The following USP8 variants were observed in gnomAD, a reference collection of about 807,000 sequenced individuals.
USP8 encodes ubiquitin carboxyl-terminal hydrolase 8.
Under a neutral mutation model 130.0 loss-of-function variants are expected in USP8, and 27 were observed. The observed-to-expected ratio is 0.21, with a 90% CI of 0.15 to 0.29. USP8 has a LOEUF of 0.29. Among genes scored for constraint, USP8 ranks in the 10% least tolerant of loss-of-function variants. The pLI is 1.00. For synonymous variants in USP8, 392 were observed against 444.1 expected, an observed-to-expected ratio of 0.88 and a Z score of 1.48; for missense variants, 1,029 against 1,312.2, an observed-to-expected ratio of 0.78 and a Z score of 3.33.
In USP8 at chr15:50,476,837, C is replaced by T. The variant is rs1566873179; in HGVS notation, c.850-12C>T. ...TGCTGCCCTATTTAAAATATGATTT[C>T]CTTATTTATAGTGGGAAAGTAAAAC... On this transcript the variant is annotated splice_polypyrimidine_tract_variant and intron_variant, in intron 8 of 19. Coordinates refer to ENST00000307179, the MANE Select transcript of USP8 (RefSeq NM_005154.5). 1 of 1,535,740 alleles carries T rather than the reference C, an allele frequency of 6.5e-7. No individual in the cohort carries two copies. The highest frequency in any genetic ancestry group is 2.4e-5 in the East Asian group (1 of 41,276).
At chr15:50,496,116 A>G (rs764102190) in intron 17 of USP8, 32 bp downstream of exon 17, 1 of 1,520,316 alleles carries the variant, frequency 6.6e-7, no homozygotes, top group Non-Finnish European at 9.0e-7. Flanking sequence ...AAAATGATTT[A>G]TTGGATAAAA....
chr15:50,489,642 TCATCTCTGAATC>T, intron 12 of USP8, 147 bp from the exon 13 acceptor site: 1 of 380,152 alleles, frequency 2.6e-6, no homozygotes, highest in Non-Finnish European at 4.7e-6. Context: ...ATAATTTTTT[TCATCTCTGAATC>T]TGTTTTTTAA....
rs772886962 is a variant in USP8, at chr15:50,471,598, A to C, written c.687-35A>C. 1.9e-6 allele frequency: 3 copies of C among 1,599,432 alleles called. No individual in the cohort carries two copies. The Admixed American group carries it at 5.3e-5, about 28-fold the overall frequency. On this transcript the variant is annotated intron_variant, in intron 7 of 19. Transcript: ENST00000307179. ...GTTAGTATATTAGGACCTCTTGTTG[A>C]CTTTTGCCCCAATTTAAATATTAAT... is the stretch of plus-strand genomic sequence containing the variant.
At chr15:50,486,587 C>T (rs911842761) in intron 12 of USP8, among the ~76,000 whole-genome samples, 1 of 152,184 alleles carries the variant, frequency 6.6e-6, no homozygotes, top group African/African-American at 2.4e-5. Flanking sequence ...TAAAGAGCCA[C>T]AGCAACAACA....
At position 50,441,354 on chromosome 15, in the gene USP8, T is replaced by C. The variant is rs2050254582; in HGVS notation, c.110T>C (p.Val37Ala). The part of the protein sequence containing the change: ...KPEKISTKSY[V>A]HSALKIFKTA... The stretch of plus-strand genomic sequence containing the variant: ...ATTTTTTCTCTAATTTTAAGTTATG[T>C]GCACAGTGCCCTGAAGATCTTTAAG... Residue 37 changes from valine to alanine, a missense_variant, in exon 3 of 20, where the codon GTG becomes GCG. Coordinates refer to ENST00000307179, the MANE Select transcript of USP8 (RefSeq NM_005154.5). 1.3e-6 allele frequency: 2 copies of C among 1,586,460 alleles called. No individual in the cohort carries two copies. Among genetic ancestry groups the C allele is most frequent in the Non-Finnish European group, 1.7e-6 (2 of 1,173,662 alleles).
intron 1 of USP8, among the ~76,000 whole-genome samples, chr15:50,431,031 T>C (rs986146014): frequency 2.0e-5 from 3 of 152,190 alleles, no homozygotes; most frequent in Non-Finnish European, 2.9e-5. Flanking sequence ...CAAATGTTTA[T>C]CTGGTCCAAA....
intron 4 of USP8, among the ~76,000 whole-genome samples, chr15:50,450,665 T>C (rs964567220): frequency 2.6e-5 from 4 of 152,032 alleles, no homozygotes; most frequent in Non-Finnish European, 4.4e-5. Flanking sequence ...GAGACGGGGT[T>C]TCTCCATGTT....
At chr15:50,480,739 G>A (rs1404678325) in intron 10 of USP8, among the ~76,000 whole-genome samples, 1 of 152,014 alleles carries the variant, frequency 6.6e-6, no homozygotes, top group Non-Finnish European at 1.5e-5. Flanking sequence ...AAGATTTTAG[G>A]TGTACTGAGA....
rs575571465 is a variant in USP8, at chr15:50,493,564, G to C, written c.2448-506G>C. The C allele has an allele frequency of 8.1e-5, 40 of 494,958 alleles. No homozygotes were observed. The East Asian group carries it at 2.1e-3, about 26-fold the overall frequency. The allele number at this position is 494,958 out of a possible 1,614,324, so 30.7% of individuals were successfully genotyped here. On this transcript the variant is annotated intron_variant, in intron 15 of 19. Transcript: ENST00000307179. ...GGCCCAGGAGTTTGAGACCAGTCTG[G>C]GCAACAAGGCAAAACTCCGTCTCTA...
Position 50,453,421 on chromosome 15 carries a change from GTTGT to G in USP8, c.335+3939_335+3942del, listed in dbSNP as rs531320310. On this transcript the variant is annotated intron_variant, in intron 4 of 19. Transcript: ENST00000307179. ...TGACCCATGGGTCATTTAGAAATGT[GTTGT>G]TTAATTTCCACATATGTGGGATTCT... Among the ~76,000 whole-genome samples, 9 of 152,212 alleles carry G rather than the reference GTTGT, an allele frequency of 5.9e-5. No homozygotes were observed. In the South Asian group the frequency reaches 1.9e-3, roughly 32 times the overall value.
chr15:50,503,387 G>T lies in USP8; in HGVS notation c.*4299G>T, dbSNP rs757231890. Reference sequence around the variant, plus strand: ...TGGTTTATGCTTTGTGACTGCCTGGGCGTAAAGACAGTCCCTAGTTTCTGT... The same window carrying T: ...TGGTTTATGCTTTGTGACTGCCTGGTCGTAAAGACAGTCCCTAGTTTCTGT... On this transcript the variant is annotated 3_prime_UTR_variant, in exon 20 of 20. Transcript: ENST00000307179. 3.9e-5 allele frequency: 6 copies of T among 152,258 alleles called. No individual in the cohort carries two copies. The highest frequency in any genetic ancestry group is 8.8e-5 in the Non-Finnish European group (6 of 68,090). 9.4% of individuals were successfully genotyped at this position (152,258 alleles called of 1,614,324 possible).
At chr15:50,482,792 A>T (rs2051822098) in intron 11 of USP8, among the ~76,000 whole-genome samples, 1 of 152,244 alleles carries the variant, frequency 6.6e-6, no homozygotes, top group Non-Finnish European at 1.5e-5. Flanking sequence ...AAATGGAAAA[A>T]ACATTTTTAG....
At chr15:50,487,924 A>G (rs2141313671) in intron 12 of USP8, among the ~76,000 whole-genome samples, 1 of 152,362 alleles carries the variant, frequency 6.6e-6, no homozygotes, top group Middle Eastern at 3.4e-3. Context: ...ACAAGCCTGC[A>G]GACCCAGCTA....
intron 1 of USP8, among the ~76,000 whole-genome samples, chr15:50,428,675 A>G (rs74808657): frequency 4.6e-5 from 7 of 152,306 alleles, no homozygotes; most frequent in African/African-American, 1.7e-4. Flanking sequence ...AACTTGTGCA[A>G]CTTGAGGTGT....
In USP8 at chr15:50,492,827, T is replaced by C. The variant is rs1340670757; in HGVS notation, c.2361T>C (p.Tyr787=). Residue 787 remains tyrosine, a synonymous_variant, in exon 15 of 20, where the codon TAT becomes TAC. Coordinates refer to ENST00000307179, the MANE Select transcript of USP8 (RefSeq NM_005154.5). ...TTCGTAACTTAGGAAATACTTGTTA[T>C]ATGAACTCAATATTGCAGTGCCTAT... ...TGLRNLGNTC[Y]MNSILQCLCN... 5 of 1,614,198 alleles carry C rather than the reference T, an allele frequency of 3.1e-6. No homozygotes were observed. The highest frequency in any genetic ancestry group is 1.6e-4 in the Middle Eastern group (1 of 6,062).
Position 50,477,321 on chromosome 15 carries a change from C to T in USP8, c.1040C>T (p.Pro347Leu). 1.2e-6 allele frequency: 2 copies of T among 1,613,880 alleles called. No homozygotes were observed. Among genetic ancestry groups the T allele is most frequent in the Non-Finnish European group, 1.7e-6 (2 of 1,179,974 alleles). Residue 347 changes from proline (P) to leucine (L), a missense_variant, in exon 10 of 20, where the codon CCT (proline) becomes CTT (leucine). This residue lies in a region of USP8 where 486 missense variants were observed against 522.0 expected (regional missense o/e 0.93). Transcript: ENST00000307179. ...TTGGAAGAATCAATTCCTTCTAAAC[C>T]TGCTGCCCAGACGCCACCTGCATCT... Reference protein sequence around the residue: ...PSLEESIPSKPAAQTPPASIE... With the variant: ...PSLEESIPSKLAAQTPPASIE...
intron 1 of USP8, among the ~76,000 whole-genome samples, chr15:50,436,423 A>T (rs555531646): frequency 2.6e-5 from 4 of 152,204 alleles, no homozygotes; most frequent in African/African-American, 7.2e-5. Context: ...GTAACTCTAT[A>T]GTTTGATATC....
intron 6 of USP8, chr15:50,463,287 G>A (rs1201953875): frequency 2.0e-5 from 3 of 152,188 alleles, no homozygotes; most frequent in Non-Finnish European, 4.4e-5. Flanking sequence ...AGGTGGCGTT[G>A]ATGCTCTAGT....
At chr15:50,449,325 T>C (rs2050540193) in intron 3 of USP8, 75 bp from the exon 4 acceptor site, 1 of 916,258 alleles carries the variant, frequency 1.1e-6, no homozygotes, top group Admixed American at 3.0e-5. Flanking sequence ...GCACCATGAT[T>C]TTAATGATTT....
Sources: allele counts gnomAD v4.1 joint callset (sites outside exome capture counted in the v4.1 genomes callset), GRCh38; gene constraint gnomAD v4.1.1; regional missense constraint gnomAD v4.1.1; transcripts MANE v1.5; gene names NCBI Gene and HGNC (gene_info 2026-07-23, HGNC 2026-07-21).